DCT: variants seen among roughly 807,000 people sequenced by gnomAD.
DCT encodes dopachrome tautomerase.
In DCT, 47 loss-of-function variants were observed where a neutral mutation model predicts 53.0. The ratio of observed to expected loss-of-function variants is 0.89; its 90% CI spans 0.70 to 1.13. The LOEUF (loss-of-function observed/expected upper bound fraction) is 1.13. Among genes scored for constraint, DCT ranks in the 50% most tolerant of loss-of-function variants. The probability of loss-of-function intolerance (pLI) is 0.00; values close to 1 mark genes in which losing one functional copy is unlikely to be tolerated. For synonymous variants in DCT, 244 were observed against 237.0 expected (o/e 1.03, Z -0.27); for missense variants, 669 against 637.4 (o/e 1.05, Z -0.53).
chr13:94,460,774 A>C (rs1026100614), intron 5 of DCT, among the ~76,000 whole-genome samples: 1 of 152,166 alleles, frequency 6.6e-6, no homozygotes, highest in Non-Finnish European at 1.5e-5. Context: ...AAAAAGAAAA[A>C]AGAAAAAAAT....
At chr13:94,547,962 C>CAAAAAAAA in the DCT span, among the ~76,000 whole-genome samples, 22 of 67,904 alleles carry the variant, frequency 3.2e-4, 1 homozygote, top group African/African-American at 2.6e-3. Context: ...AACTCCGTCT[C>CAAAAAAAA]AAAAAAAAAA....
At chr13:94,506,242 C>G in the DCT span, among the ~76,000 whole-genome samples, 1 of 152,122 alleles carries the variant, frequency 6.6e-6, no homozygotes, top group African/African-American at 2.4e-5. Flanking sequence ...TCATCTAGCC[C>G]CAGCTCTTCG....
intron 6 of DCT, among the ~76,000 whole-genome samples, chr13:94,446,759 G>A (rs1467346786): frequency 1.3e-5 from 2 of 151,982 alleles, no homozygotes; most frequent in African/African-American, 2.4e-5. Context: ...CTACCTTCTC[G>A]GGCCTTGCTG....
At chr13:94,537,135 T>C in the DCT span, among the ~76,000 whole-genome samples, 1 of 152,234 alleles carries the variant, frequency 6.6e-6, no homozygotes, top group African/African-American at 2.4e-5. Flanking sequence ...AATAATTGAA[T>C]TGGTAATTGG....
At chr13:94,501,838 T>C in the DCT span, among the ~76,000 whole-genome samples, 5 of 152,206 alleles carry the variant, frequency 3.3e-5, no homozygotes, top group South Asian at 2.1e-4. Context: ...AGGCTGCAGA[T>C]TGAGCAGAGA....
Position 94,468,905 on chromosome 13 carries a change from C to G in DCT, c.436G>C (p.Asp146His). The G allele has an allele frequency of 6.2e-7, 1 of 1,614,120 alleles. No individual in the cohort carries two copies. The highest frequency in any genetic ancestry group is 1.3e-5 in the African/African-American group (1 of 75,014). Residue 146 changes from aspartate to histidine, a missense_variant, in exon 2 of 8, where the codon GAT becomes CAT. Physicochemically the swap from Asp to His is moderately conservative, Grantham distance 81 (BLOSUM62 -1). Coordinates refer to ENST00000377028, the MANE Select transcript of DCT (RefSeq NM_001922.5). ...QEREQFLGALDLAKKRVHPDY... is the reference protein window; with the variant it reads ...QEREQFLGALHLAKKRVHPDY... ...GGGTGTACTCTCTTCTTCGCGAGAT[C>G]TAAGGCGCCCAAGAACTGCTCTCTT...
chr13:94,491,763 G>A, the DCT span, among the ~76,000 whole-genome samples: 2 of 152,172 alleles, frequency 1.3e-5, no homozygotes, highest in African/African-American at 4.8e-5. Flanking sequence ...TCTCACGGAA[G>A]TGCCAAATTG....
chr13:94,536,447 G>T, the DCT span, among the ~76,000 whole-genome samples: 2 of 152,168 alleles, frequency 1.3e-5, no homozygotes, highest in African/African-American at 4.8e-5. Context: ...AGTGTTGGAG[G>T]TGGGGCCTGG....
chr13:94,490,092 A>G, the DCT span, among the ~76,000 whole-genome samples: 1 of 152,208 alleles, frequency 6.6e-6, no homozygotes, highest in East Asian at 1.9e-4. Flanking sequence ...TACTAATTTC[A>G]AGAGCTGACA....
At chr13:94,445,724 C>T (rs1015937191) in intron 6 of DCT, 2 of 1,586,494 alleles carry the variant, frequency 1.3e-6, no homozygotes, top group South Asian at 1.2e-5. Context: ...GTTACCAGCA[C>T]ATGCAGGGAA....
At chr13:94,501,441 A>T in the DCT span, among the ~76,000 whole-genome samples, 2 of 152,082 alleles carry the variant, frequency 1.3e-5, no homozygotes, top group African/African-American at 4.8e-5. Context: ...CATAAAAAGT[A>T]AGTTGTCCTT....
At chr13:94,462,237 G>C (rs375357879) in intron 4 of DCT, 48 bp from the exon 5 acceptor site, 1 of 1,430,842 alleles carries the variant, frequency 7.0e-7, no homozygotes, top group Non-Finnish European at 9.8e-7. Flanking sequence ...GCTGGGCACA[G>C]TGGCTCACGT....
intron 1 of DCT, among the ~76,000 whole-genome samples, chr13:94,478,400 C>G (rs1383829775): frequency 6.6e-6 from 1 of 151,912 alleles, no homozygotes; most frequent in Non-Finnish European, 1.5e-5. Flanking sequence ...TCACTTGAAC[C>G]CGGGAGATGG....
the DCT span, among the ~76,000 whole-genome samples, chr13:94,501,431 C>T: frequency 6.6e-6 from 1 of 152,098 alleles, no homozygotes; most frequent in Non-Finnish European, 1.5e-5. Context: ...GCCTCTAGTA[C>T]ATAAAAAGTA....
chr13:94,529,157 A>C, the DCT span, among the ~76,000 whole-genome samples: 1 of 152,220 alleles, frequency 6.6e-6, no homozygotes, highest in African/African-American at 2.4e-5. Flanking sequence ...TTAGATACCT[A>C]CAAAGAGACT....
At chr13:94,538,723 G>C in the DCT span, among the ~76,000 whole-genome samples, 1 of 152,312 alleles carries the variant, frequency 6.6e-6, no homozygotes, top group East Asian at 1.9e-4. Context: ...GATTGAAAAA[G>C]AATGAAGTTG....
chr13:94,452,562 C>A, intron 6 of DCT: 1 of 741,764 alleles, frequency 1.3e-6, no homozygotes. Flanking sequence ...ATTTCAAATG[C>A]ATTTTTTTAC....
At chr13:94,536,646 G>A in the DCT span, among the ~76,000 whole-genome samples, 1 of 152,108 alleles carries the variant, frequency 6.6e-6, no homozygotes, top group Non-Finnish European at 1.5e-5. Context: ...CCTCTGCCAT[G>A]AATAAAAGCT....
chr13:94,502,432 CT>C, the DCT span, among the ~76,000 whole-genome samples: 1 of 152,202 alleles, frequency 6.6e-6, no homozygotes, highest in African/African-American at 2.4e-5. Context: ...TCTCGGCTTA[CT>C]TTCCCTGCCA....
Sources: allele counts gnomAD v4.1 joint callset (sites outside exome capture counted in the v4.1 genomes callset), GRCh38; gene constraint gnomAD v4.1.1; transcripts MANE v1.5; gene names NCBI Gene and HGNC (gene_info 2026-07-23, HGNC 2026-07-21).